The following BICRAL variants were observed in gnomAD, a reference collection of about 807,000 sequenced individuals.
BICRAL encodes the protein BICRA like chromatin remodeling complex associated protein.
A neutral mutation model predicts 91.8 loss-of-function variants in BICRAL; 8 were observed. That is an observed-to-expected ratio of 0.09 (90% CI 0.05 to 0.16). The LOEUF (loss-of-function observed/expected upper bound fraction) is 0.16. Among genes scored for constraint, BICRAL ranks in the 10% least tolerant of loss-of-function variants. The probability of loss-of-function intolerance (pLI) is 1.00; values close to 1 mark genes in which losing one functional copy is unlikely to be tolerated. For missense variants in BICRAL, 1,038 were observed against 1,310.9 expected (o/e 0.79, Z 3.21); for synonymous variants, 445 against 491.1 (o/e 0.91, Z 1.24).
At chr6:42,853,158 C>T (rs909139264) in intron 7 of BICRAL, among the ~76,000 whole-genome samples, 9 of 151,554 alleles carry the variant, frequency 5.9e-5, no homozygotes, top group Non-Finnish European at 1.0e-4. Context: ...TGGAATTCTC[C>T]ACCCAGACTG....
chr6:42,826,849 C>G (rs1764321954), intron 5 of BICRAL, among the ~76,000 whole-genome samples: 1 of 151,998 alleles, frequency 6.6e-6, no homozygotes, highest in South Asian at 2.1e-4. Flanking sequence ...TGCAATGGCA[C>G]AATCTTGGCT....
In BICRAL at chr6:42,828,476, A is replaced by T. The variant is rs765588123; in HGVS notation, c.160-17A>T. On this transcript the variant is annotated splice_polypyrimidine_tract_variant and intron_variant, in intron 5 of 12. Transcript: ENST00000314073. ...AAAGGTTACATATGCCATGTAACAT[A>T]CTGTTTATTTTTTTAGAATGCTGAT... 1 of 1,592,730 alleles carries T rather than the reference A, an allele frequency of 6.3e-7. No homozygotes were observed.
chr6:42,755,444 C>T (rs1028237076), intron 1 of BICRAL, among the ~76,000 whole-genome samples: 4 of 152,152 alleles, frequency 2.6e-5, no homozygotes, highest in African/African-American at 9.7e-5. Context: ...AAGTGAACAC[C>T]ATTCTCCCCA....
rs1277554678 is a variant in BICRAL, at chr6:42,866,443, C to T, written c.*997C>T. 1 of 182,220 alleles carries T rather than the reference C, an allele frequency of 5.5e-6. No individual in the cohort carries two copies. Among genetic ancestry groups the T allele is most frequent in the East Asian group, 1.5e-4 (1 of 6,816 alleles). 11.3% of individuals were successfully genotyped at this position (182,220 alleles called of 1,614,324 possible). On this transcript the variant is annotated 3_prime_UTR_variant, in exon 13 of 13. Transcript: ENST00000314073. Reference sequence around the variant, plus strand: ...CTGGATTTTGTTTCATTTAACCTCTCTTTGCACCCTCTCCCACAACAAATA... The same window carrying T: ...CTGGATTTTGTTTCATTTAACCTCTTTTTGCACCCTCTCCCACAACAAATA...
intron 1 of BICRAL, among the ~76,000 whole-genome samples, chr6:42,803,995 G>GT (rs1763641071): frequency 6.6e-6 from 1 of 152,120 alleles, no homozygotes; most frequent in Non-Finnish European, 1.5e-5. Flanking sequence ...TAACAATATA[G>GT]TTTTTTGTTA....
intron 6 of BICRAL, among the ~76,000 whole-genome samples, chr6:42,848,852 T>C (rs1419323764): frequency 6.6e-6 from 1 of 152,068 alleles, no homozygotes; most frequent in African/African-American, 2.4e-5. Context: ...CAATTAATTA[T>C]AAAGCAGGTA....
At chr6:42,794,944 A>AAAACGCCATCTCAAAAAAAACAACAGCCT in intron 1 of BICRAL, among the ~76,000 whole-genome samples, 1 of 147,368 alleles carries the variant, frequency 6.8e-6, no homozygotes, top group Non-Finnish European at 1.5e-5. Flanking sequence ...CTGGGCAACA[A>AAAACGCCATCTCAAAAAAAACAACAGCCT]GAGCAAAACG....
At chr6:42,815,594 C>T (rs969688181) in intron 2 of BICRAL, among the ~76,000 whole-genome samples, 2 of 152,062 alleles carry the variant, frequency 1.3e-5, no homozygotes, top group African/African-American at 4.8e-5. Flanking sequence ...AGATTTTCTC[C>T]CTCTGTGTGG....
intron 7 of BICRAL, among the ~76,000 whole-genome samples, chr6:42,853,192 C>T (rs745898844): frequency 7.9e-5 from 12 of 151,514 alleles, no homozygotes; most frequent in Non-Finnish European, 1.6e-4. Flanking sequence ...CTATGTCTTC[C>T]GTTTTTTCTA....
Position 42,822,017 on chromosome 6 carries a change from G to GGAAC in BICRAL, c.-5-1_-5insGAAC, listed in dbSNP as rs780682790. 5 of 1,601,980 alleles carry GGAAC rather than the reference G, an allele frequency of 3.1e-6. No individual in the cohort carries two copies. Among genetic ancestry groups the GGAAC allele is most frequent in the Non-Finnish European group, 4.3e-6 (5 of 1,169,550 alleles). Reference sequence around the variant, plus strand: ...TGTTTTCCTCTCCCTTTTCTTTATAGTTGTCATGGATGATGATGATGACTC... The same window carrying GGAAC: ...TGTTTTCCTCTCCCTTTTCTTTATAGGAACTTGTCATGGATGATGATGATGACTC... On this transcript the variant is annotated splice_region_variant and 5_prime_UTR_variant. Transcript: ENST00000314073.
chr6:42,826,574 C>G (rs983057499), intron 5 of BICRAL, among the ~76,000 whole-genome samples: 3 of 151,908 alleles, frequency 2.0e-5, no homozygotes, highest in South Asian at 2.1e-4. Context: ...GGCAACAAAC[C>G]TGACCTGGGG....
At chr6:42,816,491 A>G (rs1399737457) in intron 2 of BICRAL, among the ~76,000 whole-genome samples, 1 of 152,088 alleles carries the variant, frequency 6.6e-6, no homozygotes, top group African/African-American at 2.4e-5. Flanking sequence ...CAGTGGCACG[A>G]TCACGGCTCA....
chr6:42,822,734 G>A, intron 3 of BICRAL, 62 bp from the exon 4 acceptor site: 1 of 873,970 alleles, frequency 1.1e-6, no homozygotes, highest in South Asian at 1.5e-5. Flanking sequence ...GTAAAAATTA[G>A]TTCTAAATAT....
At chr6:42,752,406 T>C (rs1762394506) in intron 1 of BICRAL, among the ~76,000 whole-genome samples, 1 of 152,202 alleles carries the variant, frequency 6.6e-6, no homozygotes, top group African/African-American at 2.4e-5. Context: ...CTGTCCTCCT[T>C]AAGAAGGCCT....
intron 1 of BICRAL, among the ~76,000 whole-genome samples, chr6:42,801,324 T>G (rs1763566514): frequency 6.6e-6 from 1 of 152,080 alleles, no homozygotes. Flanking sequence ...TTTGAATTTT[T>G]TAAAGCAGTT....
intron 1 of BICRAL, among the ~76,000 whole-genome samples, chr6:42,750,599 G>A (rs1582795488): frequency 6.6e-6 from 1 of 152,060 alleles, no homozygotes; most frequent in Admixed American, 6.6e-5. Context: ...TTCTCAAGAC[G>A]ACGTCTTGCT....
chr6:42,828,747 A>G lies in BICRAL; in HGVS notation c.414A>G (p.Gln138=), dbSNP rs1764378797. The part of the protein sequence containing the change: ...ASIGSSQQFA[Q]AQLHPSSSAS... ...TAGGTTCAAGCCAACAGTTTGCACA[A>G]GCTCAGCTTCATCCTTCTTCATCAG... Residue 138 remains glutamine, a synonymous_variant, in exon 6 of 13, where the codon CAA becomes CAG. Coordinates refer to ENST00000314073, the MANE Select transcript of BICRAL (RefSeq NM_001393499.1). The G allele has an allele frequency of 6.2e-7, 1 of 1,614,226 alleles. No individual in the cohort carries two copies. The highest frequency in any genetic ancestry group is 2.2e-5 in the East Asian group (1 of 44,888).
At chr6:42,835,462 C>T (rs1764611774) in intron 6 of BICRAL, among the ~76,000 whole-genome samples, 1 of 151,958 alleles carries the variant, frequency 6.6e-6, no homozygotes, top group Non-Finnish European at 1.5e-5. Context: ...AGAAAGCCAG[C>T]TCCACCATGT....
intron 2 of BICRAL, among the ~76,000 whole-genome samples, chr6:42,815,803 C>T (rs1052213637): frequency 6.0e-5 from 9 of 150,368 alleles, no homozygotes; most frequent in African/African-American, 2.2e-4. Context: ...GCCTGACCAA[C>T]GTGGAGAAAC....
Sources: allele counts gnomAD v4.1 joint callset (sites outside exome capture counted in the v4.1 genomes callset), GRCh38; gene constraint gnomAD v4.1.1; transcripts MANE v1.5; gene names NCBI Gene and HGNC (gene_info 2026-07-23, HGNC 2026-07-21).